Variants in NELL1 observed in about 807,000 individuals in gnomAD.
NELL1 encodes protein kinase C-binding protein NELL1.
In NELL1, 76 loss-of-function variants were observed where a neutral mutation model predicts 107.4. The observed-to-expected ratio is 0.71, with a 90% CI of 0.59 to 0.86. NELL1 has a LOEUF of 0.86. Among genes scored for constraint, NELL1 ranks in the 40% least tolerant of loss-of-function variants. The pLI is 0.00. For synonymous variants in NELL1, 353 were observed against 341.2 expected, an observed-to-expected ratio of 1.03 and a Z score of -0.38; for missense variants, 1,024 against 1,005.5, an observed-to-expected ratio of 1.02 and a Z score of -0.25.
At chr11:21,510,889 T>A (rs7950751) in intron 15 of NELL1, among the ~76,000 whole-genome samples, 1,555 of 152,326 alleles carry the variant, frequency 0.01, 26 homozygotes, top group African/African-American at 0.035. Flanking sequence ...TTTATATGTA[T>A]GTTATTTCAA....
intron 4 of NELL1, among the ~76,000 whole-genome samples, chr11:20,884,536 C>G (rs903040101): frequency 6.6e-6 from 1 of 151,964 alleles, no homozygotes; most frequent in South Asian, 2.1e-4. Context: ...GTTGGAAGCT[C>G]GTGATCAGTG....
intron 14 of NELL1, among the ~76,000 whole-genome samples, chr11:21,314,023 G>T (rs1315679123): frequency 2.4e-5 from 2 of 82,760 alleles, no homozygotes; most frequent in African/African-American, 5.1e-5. Context: ...ACCCCCACTT[G>T]CTCCTGCTTT....
chr11:20,803,924 T>C (rs1241034081), intron 3 of NELL1, among the ~76,000 whole-genome samples: 1 of 152,182 alleles, frequency 6.6e-6, no homozygotes, highest in Non-Finnish European at 1.5e-5. Flanking sequence ...CATCTTTCTC[T>C]TGTGCTGGAT....
intron 4 of NELL1, among the ~76,000 whole-genome samples, chr11:20,868,715 A>G (rs1012287524): frequency 2.0e-5 from 3 of 152,214 alleles, no homozygotes; most frequent in African/African-American, 7.2e-5. Context: ...CCAAATATAC[A>G]TATTGAGTAG....
intron 14 of NELL1, among the ~76,000 whole-genome samples, chr11:21,266,740 A>G (rs76201814): frequency 0.016 from 2,451 of 152,152 alleles, 82 homozygotes; most frequent in African/African-American, 0.056. Context: ...TCTTAGTGGC[A>G]TGACACATTA....
At position 20,804,379 on chromosome 11, in the gene NELL1, G is replaced by A. The variant is rs1590310250; in HGVS notation, c.335+20549G>A. On this transcript the variant is annotated intron_variant, in intron 3 of 19. Transcript: ENST00000357134. ...GCCTCTCAAGTAGCTGAGACTACAG[G>A]CACGTGCCACCACATCTGGCTAATT... 3.3e-5 allele frequency among the ~76,000 whole-genome samples: 5 copies of A among 152,198 alleles called. No homozygotes were observed. The South Asian group carries it at 8.3e-4, about 25-fold the overall frequency.
chr11:21,233,397 T>C (rs1294131444), intron 14 of NELL1, among the ~76,000 whole-genome samples: 1 of 152,188 alleles, frequency 6.6e-6, no homozygotes, highest in East Asian at 1.9e-4. Context: ...CTTTCCTCCT[T>C]TTCTTTGTCC....
chr11:20,888,904 A>G (rs1412547799), intron 5 of NELL1, among the ~76,000 whole-genome samples: 1 of 152,146 alleles, frequency 6.6e-6, no homozygotes, highest in African/African-American at 2.4e-5. Flanking sequence ...CAGCTTATTT[A>G]CATGTCATCC....
intron 2 of NELL1, among the ~76,000 whole-genome samples, chr11:20,778,540 A>G (rs1276376306): frequency 9.4e-6 from 1 of 106,756 alleles, no homozygotes; most frequent in Non-Finnish European, 1.9e-5. Flanking sequence ...TTTAATCATC[A>G]TATTAGCATT....
chr11:21,519,929 A>T (rs1398626615), intron 15 of NELL1, among the ~76,000 whole-genome samples: 1 of 152,190 alleles, frequency 6.6e-6, no homozygotes, highest in Non-Finnish European at 1.5e-5. Context: ...ATAGTTCATA[A>T]GATGACATTG....
intron 13 of NELL1, among the ~76,000 whole-genome samples, chr11:21,150,289 A>G (rs1856084506): frequency 6.6e-6 from 1 of 152,288 alleles, no homozygotes; most frequent in South Asian, 2.1e-4. Flanking sequence ...CATCCACCGT[A>G]TATTACTCAA....
At chr11:21,027,626 C>G (rs566896969) in intron 12 of NELL1, among the ~76,000 whole-genome samples, 2 of 152,210 alleles carry the variant, frequency 1.3e-5, no homozygotes, top group South Asian at 2.1e-4. Flanking sequence ...TGCTTTGGCT[C>G]TCTCAGAGTT....
chr11:20,893,369 GTTT>G (rs34392122), intron 5 of NELL1, among the ~76,000 whole-genome samples: 1 of 144,546 alleles, frequency 6.9e-6, no homozygotes, highest in South Asian at 2.2e-4. Flanking sequence ...TGTATCCCGT[GTTT>G]TTTTTTTTAA....
rs368268688 is a variant in NELL1, at chr11:21,380,591, G to T, written c.1645+9643G>T. Among the ~76,000 whole-genome samples the T allele has an allele frequency of 8.7e-4, 133 of 152,092 alleles. 2 individuals carry two copies. The South Asian group carries it at 0.026, about 29-fold the overall frequency. On this transcript the variant is annotated intron_variant, in intron 15 of 19. Transcript: ENST00000357134. ...GAATGACATCTCTGCTAAAGATCCA[G>T]CATACTTCCCTTGGATGAAAAATGG...
chr11:21,507,918 C>T (rs1855329977), intron 15 of NELL1, among the ~76,000 whole-genome samples: 1 of 151,626 alleles, frequency 6.6e-6, no homozygotes, highest in African/African-American at 2.4e-5. Flanking sequence ...GTAGCTGAGA[C>T]TACAGGTGTG....
At chr11:20,904,009 T>A (rs1163665594) in intron 5 of NELL1, among the ~76,000 whole-genome samples, 2 of 152,070 alleles carry the variant, frequency 1.3e-5, no homozygotes, top group Non-Finnish European at 2.9e-5. Flanking sequence ...CAGTCTCTGG[T>A]TGTGGAGTGA....
intron 4 of NELL1, among the ~76,000 whole-genome samples, chr11:20,880,701 G>A (rs779972867): frequency 3.0e-4 from 46 of 152,154 alleles, no homozygotes; most frequent in Non-Finnish European, 4.4e-4. Flanking sequence ...CTCCATCTCA[G>A]TGGCTTAAAA....
Position 21,534,487 on chromosome 11 carries a change from T to C in NELL1, c.1759T>C (p.Tyr587His), listed in dbSNP as rs748560283. 2.5e-6 allele frequency: 4 copies of C among 1,613,884 alleles called. No homozygotes were observed. In the South Asian group the frequency reaches 4.4e-5, roughly 18 times the overall value. ...AAGCGGTTTCCATGACGATGGGACC[T>C]ATTCACTGTCCGGGGAGTCCTGTAT... is the stretch of plus-strand genomic sequence containing the variant. ...CRSGFHDDGT[Y>H]SLSGESCIDI... The change falls in exon 16 of 20, where the codon TAT (tyrosine) becomes CAT (histidine). Residue 587 changes from tyrosine to histidine, a missense_variant. Physicochemically the swap from Tyr to His is moderately conservative, Grantham distance 83. Coordinates refer to ENST00000357134, the MANE Select transcript of NELL1 (RefSeq NM_006157.5).
chr11:21,416,095 C>T (rs888240764), intron 15 of NELL1, among the ~76,000 whole-genome samples: 1 of 151,992 alleles, frequency 6.6e-6, no homozygotes, highest in African/African-American at 2.4e-5. Flanking sequence ...TATCTTTCTT[C>T]AGAGAGAAAA....
Sources: allele counts gnomAD v4.1 joint callset (sites outside exome capture counted in the v4.1 genomes callset), GRCh38; gene constraint gnomAD v4.1.1; transcripts MANE v1.5; gene names NCBI Gene and HGNC (gene_info 2026-07-23, HGNC 2026-07-21).